Variants in KDM4C observed in about 807,000 individuals in gnomAD.
The protein encoded by KDM4C is lysine demethylase 4C.
Under a neutral mutation model 129.3 loss-of-function variants are expected in KDM4C, and 81 were observed. That is an observed-to-expected ratio of 0.63 (90% confidence interval 0.52 to 0.75). The LOEUF is 0.75. Ranked by LOEUF, KDM4C falls within the 30% of genes least tolerant of loss-of-function variation. The pLI is 0.00. For missense variants in KDM4C, 1,457 were observed against 1,304.0 expected, an observed-to-expected ratio of 1.12 and a Z score of -1.81; for synonymous variants, 573 against 456.1, an observed-to-expected ratio of 1.26 and a Z score of -3.26.
chr9:6,829,712 T>A (rs1288560516), intron 4 of KDM4C, among the ~76,000 whole-genome samples: 1 of 152,174 alleles, frequency 6.6e-6, no homozygotes. Flanking sequence ...GGAGCTCTTC[T>A]TGTCTTGGAT....
At chr9:7,135,328 CA>C (rs1252512923) in intron 19 of KDM4C, among the ~76,000 whole-genome samples, 1 of 152,182 alleles carries the variant, frequency 6.6e-6, no homozygotes, top group Non-Finnish European at 1.5e-5. Flanking sequence ...AGGTGATTGG[CA>C]TTGGGAACTT....
At chr9:6,965,440 G>A (rs1011370250) in intron 8 of KDM4C, among the ~76,000 whole-genome samples, 2 of 152,238 alleles carry the variant, frequency 1.3e-5, no homozygotes, top group Non-Finnish European at 2.9e-5. Context: ...ACACAAGTTT[G>A]TTAGGGTTCT....
intron 2 of KDM4C, among the ~76,000 whole-genome samples, chr9:6,798,930 C>T (rs1056672353): frequency 6.6e-6 from 1 of 151,350 alleles, no homozygotes; most frequent in Admixed American, 6.6e-5. Context: ...GACGGGGTCG[C>T]GGTCGGGTCG....
intron 4 of KDM4C, among the ~76,000 whole-genome samples, chr9:6,845,690 G>C (rs1429152612): frequency 6.6e-6 from 1 of 152,206 alleles, no homozygotes; most frequent in Non-Finnish European, 1.5e-5. Context: ...GGCAGGACAG[G>C]CTCCAACTGG....
At chr9:6,892,990 T>A in intron 7 of KDM4C, 105 bp from the exon 8 acceptor site, 1 of 888,308 alleles carries the variant, frequency 1.1e-6, no homozygotes, top group Admixed American at 3.4e-5. Flanking sequence ...TGCTCTGATA[T>A]CAAGACTTTT....
At chr9:6,962,236 A>G (rs1459214799) in intron 8 of KDM4C, among the ~76,000 whole-genome samples, 1 of 152,260 alleles carries the variant, frequency 6.6e-6, no homozygotes, top group East Asian at 1.9e-4. Context: ...CACACAGCAT[A>G]CATTATAGCT....
chr9:7,135,763 G>C lies in KDM4C; in HGVS notation c.2781+7527G>C, dbSNP rs150021223. On this transcript the variant is annotated intron_variant, in intron 19 of 21. Transcript: ENST00000381309. ...TTCCCAGAAACTTTTTCAGCTATGGGATCTTGGGAAGCAATTTTGGATCTT... is the reference window on the plus strand; with the variant it reads ...TTCCCAGAAACTTTTTCAGCTATGGCATCTTGGGAAGCAATTTTGGATCTT... 4.0e-4 allele frequency among the ~76,000 whole-genome samples: 61 copies of C among 152,342 alleles called. No individual in the cohort carries two copies. In the East Asian group the frequency reaches 8.9e-3, roughly 22 times the overall value.
At chr9:6,964,968 A>G (rs1311696939) in intron 8 of KDM4C, among the ~76,000 whole-genome samples, 4 of 152,044 alleles carry the variant, frequency 2.6e-5, no homozygotes, top group Non-Finnish European at 5.9e-5. Context: ...AAAAAAAAGC[A>G]AAGTGAACGT....
chr9:7,019,705 T>A (rs933194607), intron 15 of KDM4C, among the ~76,000 whole-genome samples: 1 of 105,562 alleles, frequency 9.5e-6, no homozygotes. Context: ...TATAATATTT[T>A]TATATATAAA....
At chr9:7,079,887 A>G (rs1427525339) in intron 17 of KDM4C, among the ~76,000 whole-genome samples, 1 of 152,138 alleles carries the variant, frequency 6.6e-6, no homozygotes, top group Non-Finnish European at 1.5e-5. Context: ...ATGAGAGTGA[A>G]CCTTGGAAGG....
intron 8 of KDM4C, among the ~76,000 whole-genome samples, chr9:6,896,410 T>C (rs1816440736): frequency 6.6e-6 from 1 of 151,868 alleles, no homozygotes; most frequent in East Asian, 1.9e-4. Flanking sequence ...ATAAGCAAAA[T>C]AGTGCAGAGT....
At chr9:6,850,246 A>G (rs1389281881) in intron 5 of KDM4C, among the ~76,000 whole-genome samples, 2 of 152,206 alleles carry the variant, frequency 1.3e-5, no homozygotes, top group African/African-American at 4.8e-5. Flanking sequence ...ATGACTGTAT[A>G]TGTAAAGTTG....
At chr9:6,728,952 TC>T (rs1817235085) in intron 1 of KDM4C, among the ~76,000 whole-genome samples, 1 of 151,844 alleles carries the variant, frequency 6.6e-6, no homozygotes. Flanking sequence ...ACGCCTGTAA[TC>T]CCAGTACTTT....
intron 8 of KDM4C, among the ~76,000 whole-genome samples, chr9:6,927,564 G>C (rs531636571): frequency 3.3e-5 from 5 of 152,196 alleles, no homozygotes; most frequent in African/African-American, 1.2e-4. Context: ...TGTAGGACTT[G>C]CTCCCCAAAA....
rs777110463 is a variant in KDM4C at position 6,849,683 on chromosome 9, T to G, written c.612T>G (p.Phe204Leu). ...MDLYSINYLHFGEPKSWYAIP... is the reference protein window; with the variant it reads ...MDLYSINYLHLGEPKSWYAIP... ...TCTATAGCATTAATTATCTCCACTTTGGAGAGCCCAAGTCTTGGCAAGTTA... is the reference window on the plus strand; with the variant it reads ...TCTATAGCATTAATTATCTCCACTTGGGAGAGCCCAAGTCTTGGCAAGTTA... The change falls in exon 5 of 22, where the codon TTT (phenylalanine) becomes TTG (leucine). Residue 204 changes from phenylalanine (F) to leucine (L), a missense_variant. By Grantham distance (22) the Phe-to-Leu change is conservative. Coordinates refer to ENST00000381309, the MANE Select transcript of KDM4C (RefSeq NM_015061.6). 1.3e-6 allele frequency: 2 copies of G among 1,587,574 alleles called. No individual in the cohort carries two copies. The highest frequency in any genetic ancestry group is 1.7e-6 in the Non-Finnish European group (2 of 1,162,196).
At chr9:6,833,870 T>C (rs1423271698) in intron 4 of KDM4C, among the ~76,000 whole-genome samples, 1 of 152,176 alleles carries the variant, frequency 6.6e-6, no homozygotes, top group Non-Finnish European at 1.5e-5. Flanking sequence ...CCCAGTGATT[T>C]ATACTTTTTG....
intron 18 of KDM4C, among the ~76,000 whole-genome samples, chr9:7,115,451 A>C (rs145866761): frequency 6.6e-6 from 1 of 152,326 alleles, no homozygotes; most frequent in Non-Finnish European, 1.5e-5. Flanking sequence ...CAGTAGAAAA[A>C]TATAAATGGA....
Position 7,054,400 on chromosome 9 carries a change from T to C in KDM4C, c.2424+5200T>C, listed in dbSNP as rs531261460. On this transcript the variant is annotated intron_variant, in intron 17 of 21. Transcript: ENST00000381309. ...AATCTCTGGAAGAAGAACAAAATTGTGCACAGACAAAAACAAGGGAACATA... is the reference window on the plus strand; with the variant it reads ...AATCTCTGGAAGAAGAACAAAATTGCGCACAGACAAAAACAAGGGAACATA... Among the ~76,000 whole-genome samples the C allele has an allele frequency of 2.6e-5, 4 of 152,344 alleles. No homozygotes were observed. In the East Asian group the frequency reaches 7.7e-4, roughly 29 times the overall value.
At chr9:6,979,407 G>GT (rs1281101637) in intron 8 of KDM4C, among the ~76,000 whole-genome samples, 1 of 152,160 alleles carries the variant, frequency 6.6e-6, no homozygotes, top group East Asian at 1.9e-4. Flanking sequence ...AGGTGGTGTG[G>GT]TAGGAGGAAA....
Sources: allele counts gnomAD v4.1 joint callset (sites outside exome capture counted in the v4.1 genomes callset), GRCh38; gene constraint gnomAD v4.1.1; transcripts MANE v1.5; gene names NCBI Gene and HGNC (gene_info 2026-07-23, HGNC 2026-07-21).